The following LRBA variants were observed in gnomAD, a reference collection of about 807,000 sequenced individuals.
LRBA encodes lipopolysaccharide-responsive and beige-like anchor protein.
LRBA carries 176 observed loss-of-function variants against 330.0 expected under a neutral mutation model. That is an observed-to-expected ratio of 0.53 (90% CI 0.47 to 0.60). The LOEUF is 0.60. Ranked by LOEUF, LRBA falls within the 20% of genes least tolerant of loss-of-function variation. The probability of loss-of-function intolerance (pLI) is 0.00; values close to 1 mark genes in which losing one functional copy is unlikely to be tolerated. For synonymous variants in LRBA, 1,230 were observed against 1,193.0 expected, an observed-to-expected ratio of 1.03 and a Z score of -0.64; for missense variants, 3,259 against 3,444.8, an observed-to-expected ratio of 0.95 and a Z score of 1.35.
intron 2 of LRBA, among the ~76,000 whole-genome samples, chr4:150,994,921 T>C (rs1742477618): frequency 6.6e-6 from 1 of 152,172 alleles, no homozygotes; most frequent in Admixed American, 6.5e-5. Flanking sequence ...CCTGGGAGCA[T>C]CCATCAATTC....
intron 28 of LRBA, chr4:150,840,785 C>A: frequency 2.7e-6 from 1 of 370,778 alleles, no homozygotes. Flanking sequence ...TGCCAAAAAC[C>A]ATCAATTTGT....
intron 19 of LRBA, 40 bp downstream of exon 19, chr4:150,871,305 A>G (rs752183655): frequency 6.4e-6 from 7 of 1,088,338 alleles, no homozygotes; most frequent in African/African-American, 4.6e-5. Context: ...CATTTTTATA[A>G]TAAGAAATTT....
intron 53 of LRBA, among the ~76,000 whole-genome samples, chr4:150,290,334 A>T (rs1334084138): frequency 1.3e-5 from 2 of 152,222 alleles, no homozygotes; most frequent in African/African-American, 4.8e-5. Flanking sequence ...ATCTTCTGAA[A>T]AATATCAAGT....
chr4:150,802,770 TC>T (rs1449832638), intron 33 of LRBA, among the ~76,000 whole-genome samples: 1 of 152,030 alleles, frequency 6.6e-6, no homozygotes, highest in Non-Finnish European at 1.5e-5. Context: ...AGGCCTGTAA[TC>T]CCAGCACTTT....
rs150414536 is a variant in LRBA, at chr4:150,457,932, T to C, written c.6780+9741A>G. Among the ~76,000 whole-genome samples, 15 of 152,060 alleles carry C rather than the reference T, an allele frequency of 9.9e-5. No homozygotes were observed. In the East Asian group the frequency reaches 2.3e-3, roughly 23 times the overall value. On this transcript the variant is annotated intron_variant, in intron 44 of 56. Transcript: ENST00000651943. ...TAACTTAGCATGATTAGAGAATAAA[T>C]ACTTAACTTTGAGAAGGATTACTGA...
intron 48 of LRBA, among the ~76,000 whole-genome samples, chr4:150,345,881 C>CTGCA (rs2127033121): frequency 6.6e-6 from 1 of 152,220 alleles, no homozygotes; most frequent in Non-Finnish European, 1.5e-5. Flanking sequence ...TCATGGCTCA[C>CTGCA]TGCAGCCTTG....
At chr4:151,000,766 T>C (rs1743236664) in intron 2 of LRBA, among the ~76,000 whole-genome samples, 1 of 152,120 alleles carries the variant, frequency 6.6e-6, no homozygotes, top group Non-Finnish European at 1.5e-5. Flanking sequence ...CCACTAGGAA[T>C]AACCAAAATA....
At position 151,014,592 on chromosome 4, in the gene LRBA, G is replaced by A. The variant is rs774784326; in HGVS notation, c.51C>T (p.Asp17=). 7 of 1,611,104 alleles carry A rather than the reference G, an allele frequency of 4.3e-6. No homozygotes were observed. In the South Asian group the frequency reaches 5.5e-5, roughly 13 times the overall value. ...TTTCTTCTCTCCCTCCACCTCCCCC[G>A]TCATCACCTGTTGGTGGCGGGGAAG... ...RVPSPPPTGD[D]GGGGGREETP... Residue 17 remains aspartate (D), a synonymous_variant, in exon 2 of 57, where the codon GAC becomes GAT. Transcript: ENST00000651943.
intron 2 of LRBA, among the ~76,000 whole-genome samples, chr4:151,002,196 C>CAAAAA (rs143587760): frequency 6.1e-4 from 15 of 24,396 alleles, no homozygotes; most frequent in Admixed American, 1.2e-3. Flanking sequence ...CATAAAACAG[C>CAAAAA]AAAAAAAAAA....
At chr4:150,351,641 A>G (rs1737187972) in intron 47 of LRBA, among the ~76,000 whole-genome samples, 1 of 152,156 alleles carries the variant, frequency 6.6e-6, no homozygotes, top group Non-Finnish European at 1.5e-5. Flanking sequence ...GTGAGCCGAG[A>G]TCGCGCCACT....
chr4:150,677,761 G>C (rs759007104), intron 37 of LRBA, among the ~76,000 whole-genome samples: 1 of 149,978 alleles, frequency 6.7e-6, no homozygotes, highest in Non-Finnish European at 1.5e-5. Context: ...CTATAATCAC[G>C]CCACTGCATC....
intron 36 of LRBA, among the ~76,000 whole-genome samples, chr4:150,712,438 T>C (rs1313709815): frequency 6.6e-6 from 1 of 152,086 alleles, no homozygotes; most frequent in African/African-American, 2.4e-5. Context: ...AATAAAAAAA[T>C]AATGTGCTCA....
intron 41 of LRBA, among the ~76,000 whole-genome samples, chr4:150,489,163 T>C (rs1377437899): frequency 8.9e-6 from 1 of 112,228 alleles, no homozygotes; most frequent in Non-Finnish European, 1.8e-5. Context: ...GAATATATAA[T>C]ATATTATATA....
chr4:150,387,089 C>T (rs1337811922), intron 47 of LRBA, among the ~76,000 whole-genome samples: 1 of 149,324 alleles, frequency 6.7e-6, no homozygotes, highest in Non-Finnish European at 1.5e-5. Flanking sequence ...TTTTCAAGTC[C>T]TTTGCCCACT....
intron 37 of LRBA, among the ~76,000 whole-genome samples, chr4:150,605,925 A>C (rs1774576678): frequency 6.6e-6 from 1 of 152,182 alleles, no homozygotes; most frequent in African/African-American, 2.4e-5. Context: ...TGTGGATTCC[A>C]GCAGAGAAGA....
chr4:150,520,006 C>A (rs1272441351), intron 40 of LRBA, among the ~76,000 whole-genome samples: 1 of 152,140 alleles, frequency 6.6e-6, no homozygotes, highest in Non-Finnish European at 1.5e-5. Flanking sequence ...CTAATCAAAT[C>A]TTTTGTCCAT....
intron 4 of LRBA, among the ~76,000 whole-genome samples, chr4:150,923,076 G>A (rs1438398456): frequency 4.0e-5 from 6 of 149,718 alleles, no homozygotes; most frequent in Non-Finnish European, 8.9e-5. Context: ...TCGAAAGTAT[G>A]TTTTTGATCC....
At chr4:150,978,818 T>G (rs1465940496) in intron 2 of LRBA, among the ~76,000 whole-genome samples, 1 of 152,078 alleles carries the variant, frequency 6.6e-6, no homozygotes, top group Non-Finnish European at 1.5e-5. Flanking sequence ...GACAGCCTAT[T>G]TGAAAATACA....
intron 40 of LRBA, among the ~76,000 whole-genome samples, chr4:150,565,791 T>C (rs1258814159): frequency 6.6e-6 from 1 of 152,140 alleles, no homozygotes; most frequent in Non-Finnish European, 1.5e-5. Flanking sequence ...CATTTATATG[T>C]ATGTATGTTT....
Sources: allele counts gnomAD v4.1 joint callset (sites outside exome capture counted in the v4.1 genomes callset), GRCh38; gene constraint gnomAD v4.1.1; transcripts MANE v1.5; gene names NCBI Gene and HGNC (gene_info 2026-07-23, HGNC 2026-07-21).